EPHA6: variants seen among roughly 807,000 people sequenced by gnomAD.
EPHA6 encodes EPH receptor A6.
Under a neutral mutation model 112.0 loss-of-function variants are expected in EPHA6, and 50 were observed. The observed-to-expected ratio is 0.45, with a 90% CI of 0.36 to 0.56. The LOEUF (loss-of-function observed/expected upper bound fraction) is 0.56. EPHA6 is among the 20% of genes least tolerant of loss of function. The pLI, the probability that EPHA6 is intolerant of heterozygous loss-of-function variation, is 0.00. For synonymous variants in EPHA6, 529 were observed against 490.7 expected (o/e 1.08, Z -1.03); for missense variants, 1,280 against 1,417.4 (o/e 0.90, Z 1.56).
In EPHA6 at chr3:97,483,907, T is replaced by G. The variant is rs763982104; in HGVS notation, c.2075-27T>G. ...AGACCACTGAGATACTCAAACTAAA[T>G]CAATCGTTTTGTTATTGTTGTTGCA... On this transcript the variant is annotated intron_variant, in intron 9 of 17. Transcript: ENST00000389672. 7.6e-6 allele frequency: 12 copies of G among 1,581,478 alleles called. No individual in the cohort carries two copies. The Admixed American group carries it at 2.2e-4, about 29-fold the overall frequency.
At chr3:97,568,084 G>A (rs547039472) in intron 11 of EPHA6, among the ~76,000 whole-genome samples, 4 of 152,232 alleles carry the variant, frequency 2.6e-5, no homozygotes, top group Admixed American at 6.5e-5. Context: ...GTTAGTTTAC[G>A]TATCAAAGAC....
At chr3:97,708,904 C>T (rs370437674) in intron 14 of EPHA6, among the ~76,000 whole-genome samples, 2 of 152,168 alleles carry the variant, frequency 1.3e-5, no homozygotes, top group South Asian at 4.1e-4. Flanking sequence ...GTGCAGAAGA[C>T]AAGAATTGAG....
intron 2 of EPHA6, among the ~76,000 whole-genome samples, chr3:96,962,758 T>C (rs755124662): frequency 2.6e-5 from 4 of 151,964 alleles, no homozygotes; most frequent in Non-Finnish European, 4.4e-5. Context: ...TATTCACCTC[T>C]AAGTGCCCTT....
chr3:97,483,506 A>G (rs1326033564), intron 9 of EPHA6, among the ~76,000 whole-genome samples: 1 of 152,198 alleles, frequency 6.6e-6, no homozygotes, highest in Non-Finnish European at 1.5e-5. Context: ...ATAGGGCATG[A>G]GTTCATGAAA....
rs1374796186 is a variant in EPHA6, at chr3:97,560,982, A to G, written c.2386+28439A>G. Among the ~76,000 whole-genome samples the G allele has an allele frequency of 3.3e-5, 5 of 151,954 alleles. No individual in the cohort carries two copies. The South Asian group carries it at 1.0e-3, about 32-fold the overall frequency. On this transcript the variant is annotated intron_variant, in intron 11 of 17. Coordinates refer to ENST00000389672, the MANE Select transcript of EPHA6 (RefSeq NM_001080448.3). ...ATTGATCTGTGATTGATGATCTCTGATGTTACTATTATAACAGTTTTGGGA... is the reference window on the plus strand; with the variant it reads ...ATTGATCTGTGATTGATGATCTCTGGTGTTACTATTATAACAGTTTTGGGA...
chr3:96,929,092 G>A (rs1055448484), intron 2 of EPHA6, among the ~76,000 whole-genome samples: 1 of 152,114 alleles, frequency 6.6e-6, no homozygotes, highest in Non-Finnish European at 1.5e-5. Context: ...ACATACCAAT[G>A]GGTCTTGGCC....
chr3:97,035,200 G>T lies in EPHA6; in HGVS notation c.1114+47207G>T, dbSNP rs146261298. Among the ~76,000 whole-genome samples, 9 of 151,962 alleles carry T rather than the reference G, an allele frequency of 5.9e-5. No individual in the cohort carries two copies. The East Asian group carries it at 1.7e-3, about 30-fold the overall frequency. ...AACCACCCAGTTTTCCTGAAAAGAA[G>T]TACACAAGCACTCCAGCAATTTCCA... On this transcript the variant is annotated intron_variant, in intron 3 of 17. Transcript: ENST00000389672.
intron 11 of EPHA6, among the ~76,000 whole-genome samples, chr3:97,589,451 T>TGTTAA (rs1379006156): frequency 6.6e-6 from 1 of 152,104 alleles, no homozygotes; most frequent in African/African-American, 2.4e-5. Context: ...AACTAGCAAC[T>TGTTAA]TTTTAAGATA....
At chr3:97,408,646 G>A (rs2087518259) in intron 6 of EPHA6, among the ~76,000 whole-genome samples, 2 of 152,080 alleles carry the variant, frequency 1.3e-5, no homozygotes, top group East Asian at 1.9e-4. Context: ...GTCCTTTTCA[G>A]GTTCATAGAC....
Position 97,758,657 on chromosome 3 carries a change from C to T in EPHA6, c.*9956C>T, listed in dbSNP as rs2107940605. Among the ~76,000 whole-genome samples the T allele has an allele frequency of 6.6e-6, 1 of 152,054 alleles. No homozygotes were observed. Among genetic ancestry groups the T allele is most frequent in the East Asian group, 1.9e-4 (1 of 5,178 alleles). On this transcript the variant is annotated 3_prime_UTR_variant, in exon 18 of 18. Coordinates refer to ENST00000389672, the MANE Select transcript of EPHA6 (RefSeq NM_001080448.3). ...GCTGTGCTTATAATTAAAAATGTTA[C>T]ATAGCATGACTGTGGCTCCTTTAAG...
intron 5 of EPHA6, among the ~76,000 whole-genome samples, chr3:97,337,063 T>C (rs527347832): frequency 2.0e-4 from 31 of 152,186 alleles, no homozygotes; most frequent in South Asian, 4.1e-4. Flanking sequence ...ACTTTAAAGA[T>C]ACTAGAATAT....
chr3:97,244,187 C>A lies in EPHA6; in HGVS notation c.1506C>A (p.His502Gln), dbSNP rs200900494. ...TGATAGTACTTGACTTTGTGTCTCA[C>A]GTGAATTACACCTTTGAAATAGAAG... ...NSVIVLDFVS[H>Q]VNYTFEIEAM... The change falls in exon 5 of 18, where the codon CAC becomes CAA. Residue 502 changes from histidine (H) to glutamine (Q), a missense_variant. His to Gln is a conservative substitution (Grantham distance 24). Coordinates refer to ENST00000389672, the MANE Select transcript of EPHA6 (RefSeq NM_001080448.3). The A allele has an allele frequency of 1.9e-6, 3 of 1,613,162 alleles. No homozygotes were observed. The highest frequency in any genetic ancestry group is 1.7e-6 in the Non-Finnish European group (2 of 1,179,382).
At chr3:97,419,054 C>T (rs2088375347) in intron 6 of EPHA6, among the ~76,000 whole-genome samples, 1 of 152,162 alleles carries the variant, frequency 6.6e-6, no homozygotes, top group Non-Finnish European at 1.5e-5. Flanking sequence ...CCTGTAATCC[C>T]AGCACTTTGG....
At chr3:97,030,735 A>G (rs2044799676) in intron 3 of EPHA6, among the ~76,000 whole-genome samples, 1 of 152,056 alleles carries the variant, frequency 6.6e-6, no homozygotes, top group African/African-American at 2.4e-5. Flanking sequence ...TGGGTGAAAT[A>G]TTATTGCTAA....
chr3:96,829,023 C>G (rs1434479019), intron 1 of EPHA6, among the ~76,000 whole-genome samples: 1 of 152,036 alleles, frequency 6.6e-6, no homozygotes, highest in Non-Finnish European at 1.5e-5. Flanking sequence ...GACTAAGTTC[C>G]AGACTCATAT....
intron 2 of EPHA6, among the ~76,000 whole-genome samples, chr3:96,930,178 G>T (rs1157099148): frequency 6.6e-6 from 1 of 152,180 alleles, no homozygotes; most frequent in Non-Finnish European, 1.5e-5. Flanking sequence ...CTTTAGCTCA[G>T]CAAAGTTTGT....
At chr3:96,815,833 G>T (rs1026236676) in intron 1 of EPHA6, among the ~76,000 whole-genome samples, 1 of 152,082 alleles carries the variant, frequency 6.6e-6, no homozygotes, top group African/African-American at 2.4e-5. Flanking sequence ...TGTGCATAAA[G>T]ATCTATAAAA....
intron 2 of EPHA6, among the ~76,000 whole-genome samples, chr3:96,958,995 C>T (rs1173911240): frequency 2.6e-5 from 4 of 152,066 alleles, no homozygotes; most frequent in East Asian, 3.8e-4. Context: ...TTTTGTAAAG[C>T]GTATGTTTTA....
chr3:97,736,195 A>G, intron 16 of EPHA6, 77 bp downstream of exon 16: 1 of 1,226,824 alleles, frequency 8.2e-7, no homozygotes, highest in Non-Finnish European at 1.1e-6. Flanking sequence ...AATAACAGGT[A>G]GAAAGGAAAA....
Sources: gnomAD v4.1 joint callset for allele counts (sites outside exome capture counted in the v4.1 genomes callset) on GRCh38, gnomAD v4.1.1 for gene constraint, MANE v1.5 for transcripts, NCBI Gene and HGNC (gene_info 2026-07-23, HGNC 2026-07-21) for gene names.